Variants in TRPC4 observed in about 807,000 individuals in gnomAD.
The protein encoded by TRPC4 is transient receptor potential cation channel subfamily C member 4, also known as short transient receptor potential channel 4.
TRPC4 carries 49 observed loss-of-function variants against 99.4 expected under a neutral mutation model. The observed-to-expected ratio is 0.49, with a 90% CI of 0.39 to 0.63. The LOEUF (loss-of-function observed/expected upper bound fraction) is 0.63, where lower values mean the gene tolerates loss of function less well. TRPC4 is among the 20% of genes least tolerant of loss of function. TRPC4 has a pLI of 0.00. For missense variants in TRPC4, 898 were observed against 1,152.9 expected (o/e 0.78, Z 3.20); for synonymous variants, 454 against 425.9 (o/e 1.07, Z -0.81).
At chr13:37,782,003 T>G (rs1956853861) in intron 2 of TRPC4, among the ~76,000 whole-genome samples, 1 of 152,122 alleles carries the variant, frequency 6.6e-6, no homozygotes, top group East Asian at 1.9e-4. Flanking sequence ...TAGAATTTGC[T>G]AGAGCTAAAA....
intron 4 of TRPC4, among the ~76,000 whole-genome samples, chr13:37,685,265 T>C (rs1236487980): frequency 6.6e-6 from 1 of 152,164 alleles, no homozygotes; most frequent in African/African-American, 2.4e-5. Context: ...CCTTTTCAAA[T>C]TCTACCTCTC....
chr13:37,732,783 A>G (rs1181336569), intron 3 of TRPC4, among the ~76,000 whole-genome samples: 1 of 152,160 alleles, frequency 6.6e-6, no homozygotes, highest in Non-Finnish European at 1.5e-5. Context: ...TTACAAGGAA[A>G]ACTACCAAGC....
chr13:37,754,847 C>A (rs1956056485), intron 2 of TRPC4, among the ~76,000 whole-genome samples: 1 of 152,084 alleles, frequency 6.6e-6, no homozygotes, highest in African/African-American at 2.4e-5. Context: ...ATACAAGCAA[C>A]CATTAACTTA....
intron 1 of TRPC4, among the ~76,000 whole-genome samples, chr13:37,824,844 A>G (rs9576376): frequency 0.29 from 43,203 of 151,562 alleles, 6,310 homozygotes; most frequent in East Asian, 0.42. Flanking sequence ...TTCAGAAGGA[A>G]TGGTACCAGT....
intron 2 of TRPC4, among the ~76,000 whole-genome samples, chr13:37,766,389 C>A (rs555682603): frequency 6.7e-6 from 1 of 148,606 alleles, no homozygotes; most frequent in Admixed American, 6.9e-5. Context: ...GAAATTAACG[C>A]AAACTTTTAA....
rs1201095698 is a variant in TRPC4 at position 37,692,353 on chromosome 13, G to A, written c.898-18C>T. On this transcript the variant is annotated intron_variant, in intron 3 of 10. Coordinates refer to ENST00000379705, the MANE Select transcript of TRPC4 (RefSeq NM_016179.4). The stretch of plus-strand genomic sequence containing the variant: ...GCAACAAACTAAACAGAAGGGAAAG[G>A]AAAAGGAAAAATAAGTCACAGTTAC... 3.1e-6 allele frequency: 5 copies of A among 1,594,160 alleles called. No homozygotes were observed. The highest frequency in any genetic ancestry group is 2.7e-5 in the African/African-American group (2 of 74,290).
intron 1 of TRPC4, among the ~76,000 whole-genome samples, chr13:37,812,186 A>AAAAAAAAAAAC (rs1566188902): frequency 7.0e-6 from 1 of 143,744 alleles, no homozygotes; most frequent in South Asian, 2.1e-4. Flanking sequence ...CAAAAAAAAA[A>AAAAAAAAAAAC]AAAAAAAAAC....
At chr13:37,781,854 A>G (rs983048403) in intron 2 of TRPC4, among the ~76,000 whole-genome samples, 1 of 152,078 alleles carries the variant, frequency 6.6e-6, no homozygotes, top group African/African-American at 2.4e-5. Context: ...TCAGCTATAA[A>G]GTTCTTTTCC....
chr13:37,856,112 T>C (rs1054820197), intron 1 of TRPC4, among the ~76,000 whole-genome samples: 7 of 151,472 alleles, frequency 4.6e-5, no homozygotes, highest in Non-Finnish European at 8.9e-5. Context: ...TGAAAAGATA[T>C]ACAAAACTGA....
At chr13:37,656,013 TG>T (rs1246409637) in intron 6 of TRPC4, among the ~76,000 whole-genome samples, 1 of 152,182 alleles carries the variant, frequency 6.6e-6, no homozygotes, top group Non-Finnish European at 1.5e-5. Context: ...TCTTGTAAGA[TG>T]GTAAAGAGTC....
At chr13:37,840,392 A>G (rs968715903) in intron 1 of TRPC4, among the ~76,000 whole-genome samples, 2 of 152,098 alleles carry the variant, frequency 1.3e-5, no homozygotes, top group East Asian at 1.9e-4. Flanking sequence ...TGTAATAACT[A>G]TAAAGGATAA....
chr13:37,634,426 C>A lies in TRPC4; in HGVS notation c.*2477G>T, dbSNP rs1951459656. On this transcript the variant is annotated 3_prime_UTR_variant, in exon 11 of 11. Transcript: ENST00000379705. ...TCATACTCATAAACACATCTGTCAG[C>A]AACATCTGGGGGTTGTTAGAATCAT... 6.6e-6 allele frequency among the ~76,000 whole-genome samples: 1 copy of A among 152,010 alleles called. No individual in the cohort carries two copies. The highest frequency in any genetic ancestry group is 2.1e-4 in the South Asian group (1 of 4,818).
intron 2 of TRPC4, among the ~76,000 whole-genome samples, chr13:37,758,308 T>C (rs1480153431): frequency 6.6e-6 from 1 of 151,872 alleles, no homozygotes; most frequent in African/African-American, 2.4e-5. Flanking sequence ...ATCAAAGGAA[T>C]TATGATATTT....
chr13:37,640,562 A>C (rs551730051), intron 8 of TRPC4, among the ~76,000 whole-genome samples: 37 of 152,298 alleles, frequency 2.4e-4, no homozygotes, highest in African/African-American at 8.9e-4. Context: ...AAAAACATTT[A>C]AAATAGGATT....
rs566639090 is a variant in TRPC4, at chr13:37,642,654, G to T, written c.2080-3355C>A. On this transcript the variant is annotated intron_variant, in intron 8 of 10. Coordinates refer to ENST00000379705, the MANE Select transcript of TRPC4 (RefSeq NM_016179.4). ...TTTTTCAGTGTAGGAACCTTGAGTTGGGAGAAATTATTTACACTCTTGGTG... is the reference window on the plus strand; with the variant it reads ...TTTTTCAGTGTAGGAACCTTGAGTTTGGAGAAATTATTTACACTCTTGGTG... Among the ~76,000 whole-genome samples, 5 of 152,126 alleles carry T rather than the reference G, an allele frequency of 3.3e-5. No individual in the cohort carries two copies. The South Asian group carries it at 8.3e-4, about 25-fold the overall frequency.
intron 1 of TRPC4, among the ~76,000 whole-genome samples, chr13:37,865,341 C>T (rs1211964091): frequency 2.6e-5 from 4 of 151,418 alleles, no homozygotes; most frequent in Non-Finnish European, 5.9e-5. Flanking sequence ...TTATTACCAG[C>T]TTACAGATGG....
In TRPC4 at chr13:37,692,460, A is replaced by G. The variant is rs546081848; in HGVS notation, c.898-125T>C. ...TTCTGTTTCACATAATTTTACATTT[A>G]AACAATCAAAAGGCTTTAAGTCATT... On this transcript the variant is annotated intron_variant, in intron 3 of 10. Transcript: ENST00000379705. 6 of 899,006 alleles carry G rather than the reference A, an allele frequency of 6.7e-6. No individual in the cohort carries two copies. The Admixed American group carries it at 1.4e-4, about 22-fold the overall frequency. The allele number at this position is 899,006 out of a possible 1,614,324, so 55.7% of individuals were successfully genotyped here.
At chr13:37,662,896 T>C (rs1303857221) in intron 6 of TRPC4, among the ~76,000 whole-genome samples, 2 of 152,228 alleles carry the variant, frequency 1.3e-5, no homozygotes, top group East Asian at 3.8e-4. Context: ...GAGAGTTTTG[T>C]GTGCATGACA....
At chr13:37,706,942 T>C (rs949371632) in intron 3 of TRPC4, among the ~76,000 whole-genome samples, 2 of 152,160 alleles carry the variant, frequency 1.3e-5, no homozygotes, top group Non-Finnish European at 2.9e-5. Flanking sequence ...CTCTTGATAC[T>C]ATTTAAAATA....
Sources: allele counts gnomAD v4.1 joint callset (sites outside exome capture counted in the v4.1 genomes callset), GRCh38; gene constraint gnomAD v4.1.1; transcripts MANE v1.5; gene names NCBI Gene and HGNC (gene_info 2026-07-23, HGNC 2026-07-21).